VWA3A: variants seen among roughly 807,000 people sequenced by gnomAD.
VWA3A encodes the protein von Willebrand factor A domain-containing protein 3A.
In VWA3A, 134 loss-of-function variants were observed where a neutral mutation model predicts 160.4. The observed-to-expected ratio is 0.84, with a 90% CI of 0.73 to 0.96. The LOEUF (loss-of-function observed/expected upper bound fraction) is 0.96. VWA3A is among the 40% of genes least tolerant of loss of function. The pLI is 0.00. For missense variants in VWA3A, 1,310 were observed against 1,447.9 expected (o/e 0.90, Z 1.55); for synonymous variants, 476 against 543.4 (o/e 0.88, Z 1.72).
Position 22,148,321 on chromosome 16 carries a change from C to A in VWA3A, c.2984+15C>A. 6.3e-7 allele frequency: 1 copy of A among 1,584,044 alleles called. No homozygotes were observed. Among genetic ancestry groups the A allele is most frequent in the South Asian group, 1.2e-5 (1 of 86,304 alleles). On this transcript the variant is annotated intron_variant, in intron 28 of 33. Coordinates refer to ENST00000389398, the MANE Select transcript of VWA3A (RefSeq NM_173615.5). ...TGCTGTGACAGGTAGGAGGCGAGGG[C>A]TGATCAGGAAGATCAAAGGGGCAGT... is the stretch of plus-strand genomic sequence containing the variant.
intron 2 of VWA3A, among the ~76,000 whole-genome samples, chr16:22,097,254 C>T (rs951702768): frequency 2.0e-5 from 3 of 152,010 alleles, no homozygotes; most frequent in Non-Finnish European, 4.4e-5. Context: ...CGTGAGCCAC[C>T]GTGCCTGGGC....
intron 30 of VWA3A, among the ~76,000 whole-genome samples, 151 bp downstream of exon 30, chr16:22,150,997 C>T (rs895981541): frequency 2.0e-5 from 3 of 152,032 alleles, no homozygotes; most frequent in African/African-American, 7.2e-5. Context: ...TTAGGAGAAG[C>T]GGCCGGGCAT....
At chr16:22,118,828 C>T in intron 11 of VWA3A, 74 bp from the exon 12 acceptor site, 3 of 1,588,380 alleles carry the variant, frequency 1.9e-6, no homozygotes, top group South Asian at 1.2e-5. Context: ...GGCCTGGCTG[C>T]TTGCCCCTTC....
chr16:22,149,652 T>C, intron 28 of VWA3A, 135 bp from the exon 29 acceptor site: 1 of 1,146,772 alleles, frequency 8.7e-7, no homozygotes, highest in Non-Finnish European at 1.2e-6. Context: ...CAGGGCTCGT[T>C]GTAGGGGTCT....
At chr16:22,100,143 T>A (rs1384116413) in intron 3 of VWA3A, 51 bp from the exon 4 acceptor site, 1 of 1,496,126 alleles carries the variant, frequency 6.7e-7, no homozygotes, top group Non-Finnish European at 8.9e-7. Flanking sequence ...GGGAACCTCT[T>A]CCTTCCCTCT....
At chr16:22,128,917 T>C (rs968108349) in intron 17 of VWA3A, among the ~76,000 whole-genome samples, 10 of 151,990 alleles carry the variant, frequency 6.6e-5, no homozygotes, top group Admixed American at 6.6e-4. Context: ...CAACACACAC[T>C]GGAGCCTATT....
intron 17 of VWA3A, among the ~76,000 whole-genome samples, chr16:22,127,324 C>T (rs907655341): frequency 1.3e-5 from 2 of 150,914 alleles, no homozygotes; most frequent in Admixed American, 6.6e-5. Context: ...ATGGGGTTCA[C>T]CATGTTGGCC....
chr16:22,154,825 G>A (rs1282312504), intron 31 of VWA3A, among the ~76,000 whole-genome samples: 4 of 150,466 alleles, frequency 2.7e-5, no homozygotes, highest in Non-Finnish European at 5.9e-5. Context: ...GCGGTGGCGG[G>A]CGCCTGTAGT....
At chr16:22,113,875 C>T (rs1486308013) in intron 8 of VWA3A, among the ~76,000 whole-genome samples, 2 of 151,830 alleles carry the variant, frequency 1.3e-5, no homozygotes, top group South Asian at 2.1e-4. Context: ...CTGGGATTGC[C>T]GGCATGAGCC....
intron 7 of VWA3A, among the ~76,000 whole-genome samples, chr16:22,110,259 T>C (rs1369636653): frequency 6.6e-6 from 1 of 152,206 alleles, no homozygotes; most frequent in Non-Finnish European, 1.5e-5. Flanking sequence ...AGAAAAAGCC[T>C]CTGCAGCGTG....
At chr16:22,114,634 G>A (rs1459875745) in intron 8 of VWA3A, among the ~76,000 whole-genome samples, 1 of 152,094 alleles carries the variant, frequency 6.6e-6, no homozygotes, top group Non-Finnish European at 1.5e-5. Context: ...TTATCATTAG[G>A]TTTAAATGAG....
intron 31 of VWA3A, among the ~76,000 whole-genome samples, chr16:22,153,820 G>A (rs960173711): frequency 1.4e-5 from 2 of 146,302 alleles, no homozygotes; most frequent in Non-Finnish European, 3.0e-5. Context: ...GCTCACCACA[G>A]CCTCCACCTC....
chr16:22,144,496 C>T, intron 26 of VWA3A, 112 bp downstream of exon 26: 10 of 1,440,386 alleles, frequency 6.9e-6, no homozygotes, highest in South Asian at 1.5e-5. Context: ...GAACTGCCCT[C>T]CTCCCCAAAG....
intron 1 of VWA3A, 112 bp downstream of exon 1, chr16:22,092,763 T>C (rs1901376371): frequency 7.4e-7 from 1 of 1,357,680 alleles, no homozygotes; most frequent in Admixed American, 2.1e-5. Context: ...GTGTGAAGTG[T>C]CCACTCCCTA....
intron 16 of VWA3A, among the ~76,000 whole-genome samples, chr16:22,125,058 C>A (rs1331420692): frequency 6.6e-6 from 1 of 152,014 alleles, no homozygotes; most frequent in African/African-American, 2.4e-5. Context: ...GTTACTTGCT[C>A]ACCTGGTTTT....
rs553028784 is a variant in VWA3A at position 22,147,621 on chromosome 16, G to A, written c.2840-541G>A. 110 of 703,288 alleles carry A rather than the reference G, an allele frequency of 1.6e-4. 1 individual carries two copies. Among genetic ancestry groups the A allele is most frequent in the South Asian group, 6.5e-4 (44 of 67,600 alleles). 43.6% of individuals were successfully genotyped at this position (703,288 alleles called of 1,614,324 possible). ...GTATAGACAGTCCATGGACAGGGGC[G>A]TCATGATGACTGCTGCTTCAGGTAC... On this transcript the variant is annotated intron_variant, in intron 27 of 33. Transcript: ENST00000389398.
chr16:22,150,512 C>T (rs1039604581), intron 29 of VWA3A, among the ~76,000 whole-genome samples, 183 bp from the exon 30 acceptor site: 1 of 152,192 alleles, frequency 6.6e-6, no homozygotes, highest in African/African-American at 2.4e-5. Context: ...TCTCCTAAAC[C>T]TCAGCAGCTT....
chr16:22,118,651 A>T (rs1011779516), intron 11 of VWA3A, among the ~76,000 whole-genome samples: 2 of 152,182 alleles, frequency 1.3e-5, no homozygotes, highest in Non-Finnish European at 2.9e-5. Context: ...GTGCCACTGC[A>T]CTCCAGCCTG....
At chr16:22,152,168 G>A (rs1352728282) in intron 30 of VWA3A, among the ~76,000 whole-genome samples, 1 of 152,132 alleles carries the variant, frequency 6.6e-6, no homozygotes, top group Non-Finnish European at 1.5e-5. Flanking sequence ...CCAAGATTGT[G>A]CCACTGCACT....
Sources: allele counts gnomAD v4.1 joint callset (sites outside exome capture counted in the v4.1 genomes callset), GRCh38; gene constraint gnomAD v4.1.1; transcripts MANE v1.5; gene names NCBI Gene and HGNC (gene_info 2026-07-23, HGNC 2026-07-21).